The following NCKAP5 variants were observed in gnomAD, a reference collection of about 807,000 sequenced individuals.
NCKAP5 encodes nck-associated protein 5.
A neutral mutation model predicts 167.0 loss-of-function variants in NCKAP5; 92 were observed. The observed-to-expected ratio is 0.55, with a 90% CI of 0.47 to 0.66. The LOEUF is 0.66. NCKAP5 is among the 30% of genes least tolerant of loss of function. The probability of loss-of-function intolerance (pLI) is 0.00; values close to 1 mark genes in which losing one functional copy is unlikely to be tolerated. For synonymous variants in NCKAP5, 891 were observed against 877.4 expected, an observed-to-expected ratio of 1.02 and a Z score of -0.27; for missense variants, 2,378 against 2,315.0, an observed-to-expected ratio of 1.03 and a Z score of -0.56.
At chr2:133,109,548 G>T (rs549793848) in intron 6 of NCKAP5, among the ~76,000 whole-genome samples, 80 of 152,188 alleles carry the variant, frequency 5.3e-4, no homozygotes, top group African/African-American at 1.9e-3. Flanking sequence ...TCATGACATT[G>T]CTCTATTTTA....
chr2:133,448,707 A>C (rs1691363740), intron 3 of NCKAP5, among the ~76,000 whole-genome samples: 2 of 152,034 alleles, frequency 1.3e-5, no homozygotes, highest in Admixed American at 1.3e-4. Flanking sequence ...TGGCATGATC[A>C]CAGCTTACTA....
chr2:133,079,936 A>G (rs2080747268), intron 6 of NCKAP5, among the ~76,000 whole-genome samples: 1 of 152,130 alleles, frequency 6.6e-6, no homozygotes, highest in Non-Finnish European at 1.5e-5. Context: ...TTATTCATTT[A>G]TCTTTCTCGC....
At chr2:133,570,091 T>G (rs1688808370), upstream of NCKAP5, among the ~76,000 whole-genome samples, 1 of 152,230 alleles carries the variant, frequency 6.6e-6, no homozygotes, top group African/African-American at 2.4e-5. Flanking sequence ...TATACTGATG[T>G]GGACAGAAGT....
intron 16 of NCKAP5, among the ~76,000 whole-genome samples, chr2:132,736,400 A>G (rs1376342368): frequency 6.6e-6 from 1 of 152,194 alleles, no homozygotes; most frequent in Non-Finnish European, 1.5e-5. Flanking sequence ...AACTCACAAA[A>G]TAATCAAATG....
At position 133,362,104 on chromosome 2, in the gene NCKAP5, C is replaced by T. The variant is rs565169254; in HGVS notation, c.70-58994G>A. ...GGAGTGTTAGGTTAAGGCTGTGTTT[C>T]GAGCCATATGAGAACAAGGATGGGA... is the stretch of plus-strand genomic sequence containing the variant. On this transcript the variant is annotated intron_variant, in intron 3 of 19. Transcript: ENST00000409261. 2.1e-4 allele frequency among the ~76,000 whole-genome samples: 32 copies of T among 152,114 alleles called. No individual in the cohort carries two copies. In the South Asian group the frequency reaches 6.0e-3, roughly 29 times the overall value.
intron 2 of NCKAP5, among the ~76,000 whole-genome samples, chr2:133,539,045 A>C (rs1558766135): frequency 7.0e-6 from 1 of 143,286 alleles, no homozygotes; most frequent in Non-Finnish European, 1.5e-5. Flanking sequence ...GGTTCACGCC[A>C]TTCTCCTGCC....
chr2:133,407,686 G>T (rs1206807704), intron 3 of NCKAP5, among the ~76,000 whole-genome samples: 1 of 152,170 alleles, frequency 6.6e-6, no homozygotes, highest in Non-Finnish European at 1.5e-5. Context: ...AAGATACCAA[G>T]TAAGTGCCAT....
intron 4 of NCKAP5, among the ~76,000 whole-genome samples, chr2:133,295,107 C>G (rs1461157767): frequency 6.6e-6 from 1 of 152,104 alleles, no homozygotes; most frequent in African/African-American, 2.4e-5. Context: ...ATTGAGGTTC[C>G]TACAGGTTGA....
At chr2:132,886,738 C>G (rs534873061) in intron 8 of NCKAP5, among the ~76,000 whole-genome samples, 1 of 152,138 alleles carries the variant, frequency 6.6e-6, no homozygotes, top group South Asian at 2.1e-4. Context: ...ATATTGTGTC[C>G]TTCTTAGTGC....
At chr2:133,092,407 C>T (rs2149642229) in intron 6 of NCKAP5, among the ~76,000 whole-genome samples, 1 of 152,272 alleles carries the variant, frequency 6.6e-6, no homozygotes, top group Admixed American at 6.5e-5. Context: ...GAATTCTTCC[C>T]TAGAGCCTTC....
intron 6 of NCKAP5, among the ~76,000 whole-genome samples, chr2:133,007,853 A>G (rs900734678): frequency 6.6e-6 from 1 of 152,154 alleles, no homozygotes; most frequent in African/African-American, 2.4e-5. Flanking sequence ...TAAACTGGAG[A>G]ATGTAGTATG....
At chr2:132,706,963 G>A (rs1688415380) in intron 19 of NCKAP5, among the ~76,000 whole-genome samples, 1 of 152,210 alleles carries the variant, frequency 6.6e-6, no homozygotes, top group Non-Finnish European at 1.5e-5. Context: ...GATGAAGCAA[G>A]ATGGATGAAT....
intron 5 of NCKAP5, among the ~76,000 whole-genome samples, chr2:133,201,768 C>G (rs915526196): frequency 1.3e-5 from 2 of 152,110 alleles, no homozygotes; most frequent in African/African-American, 2.4e-5. Context: ...TTCTCCGCCT[C>G]ATTTCAAAAA....
Position 133,441,389 on chromosome 2 carries a change from T to C in NCKAP5, c.69+76069A>G, listed in dbSNP as rs1690851481. Among the ~76,000 whole-genome samples, 4 of 152,190 alleles carry C rather than the reference T, an allele frequency of 2.6e-5. No individual in the cohort carries two copies. In the South Asian group the frequency reaches 6.2e-4, roughly 24 times the overall value. On this transcript the variant is annotated intron_variant, in intron 3 of 19. Coordinates refer to ENST00000409261, the MANE Select transcript of NCKAP5 (RefSeq NM_207363.3). ...AAAGATCTAGACTCAGAATCATGCATTGAACCAGAATTATCAAAGAAAAGC... is the reference window on the plus strand; with the variant it reads ...AAAGATCTAGACTCAGAATCATGCACTGAACCAGAATTATCAAAGAAAAGC...
chr2:133,264,981 CTG>C (rs1408162733), intron 4 of NCKAP5: 2 of 152,168 alleles, frequency 1.3e-5, no homozygotes, highest in Non-Finnish European at 1.5e-5. Flanking sequence ...TTTATCTAGA[CTG>C]TGTCTTTAAA....
chr2:132,747,879 G>A (rs539572844), intron 16 of NCKAP5, among the ~76,000 whole-genome samples: 1 of 152,284 alleles, frequency 6.6e-6, no homozygotes, highest in South Asian at 2.1e-4. Context: ...ACCAGGATTT[G>A]GATTGGGGCC....
chr2:132,721,269 C>T, intron 19 of NCKAP5, among the ~76,000 whole-genome samples: 1 of 152,130 alleles, frequency 6.6e-6, no homozygotes, highest in East Asian at 1.9e-4. Context: ...GATCATGCCA[C>T]TGCACTCCAG....
At chr2:133,549,717 C>T (rs1341506594) in intron 2 of NCKAP5, among the ~76,000 whole-genome samples, 2 of 141,786 alleles carry the variant, frequency 1.4e-5, no homozygotes, top group Non-Finnish European at 3.1e-5. Flanking sequence ...CATTCAAAAG[C>T]TAGCAGAAGG....
chr2:132,939,643 T>G (rs547437927), intron 8 of NCKAP5, among the ~76,000 whole-genome samples: 1 of 152,294 alleles, frequency 6.6e-6, no homozygotes, highest in South Asian at 2.1e-4. Flanking sequence ...GGATAAGTTC[T>G]TTAGTGGCGA....
Sources: allele counts gnomAD v4.1 joint callset (sites outside exome capture counted in the v4.1 genomes callset), GRCh38; gene constraint gnomAD v4.1.1; transcripts MANE v1.5; gene names NCBI Gene and HGNC (gene_info 2026-07-23, HGNC 2026-07-21).